The following TCAF1 variants were observed in gnomAD, a reference collection of about 807,000 sequenced individuals.
The protein encoded by TCAF1 is TRPM8 channel associated factor 1, also known as TRPM8 channel-associated factor 1.
TCAF1 carries 4 observed loss-of-function variants against 27.3 expected under a neutral mutation model. The ratio of observed to expected loss-of-function variants is 0.15; its 90% CI spans 0.07 to 0.34. TCAF1 has a LOEUF of 0.34. TCAF1 is among the 10% of genes least tolerant of loss of function. TCAF1 has a pLI of 1.00. For missense variants in TCAF1, 257 were observed against 425.8 expected, an observed-to-expected ratio of 0.60 and a Z score of 3.49; for synonymous variants, 105 against 167.1, an observed-to-expected ratio of 0.63 and a Z score of 2.87.
At chr7:143,887,058 C>A (rs1020353299) in intron 1 of TCAF1, among the ~76,000 whole-genome samples, 14 of 151,882 alleles carry the variant, frequency 9.2e-5, no homozygotes, top group Admixed American at 2.0e-4. Context: ...TCTCAGACAC[C>A]ACATTATAAG....
chr7:143,879,663 C>T (rs1017959584), intron 1 of TCAF1, among the ~76,000 whole-genome samples: 4 of 152,108 alleles, frequency 2.6e-5, no homozygotes, highest in Non-Finnish European at 4.4e-5. Context: ...AAATGAAAAC[C>T]TAGAAGTACA....
At chr7:143,895,344 GCTATATGCCA>G (rs1483912221) in intron 1 of TCAF1, among the ~76,000 whole-genome samples, 1 of 151,790 alleles carries the variant, frequency 6.6e-6, no homozygotes, top group Non-Finnish European at 1.5e-5. Context: ...AAAAAGTACT[GCTATATGCCA>G]CTATATGGAA....
intron 1 of TCAF1, among the ~76,000 whole-genome samples, chr7:143,887,118 T>C (rs1292334050): frequency 6.6e-6 from 1 of 152,190 alleles, no homozygotes; most frequent in African/African-American, 2.4e-5. Flanking sequence ...CCCTTGAGTT[T>C]GTTTTCCTTT....
intron 1 of TCAF1, among the ~76,000 whole-genome samples, chr7:143,883,439 T>C (rs988715800): frequency 2.0e-5 from 3 of 151,856 alleles, no homozygotes; most frequent in African/African-American, 7.3e-5. Context: ...GTTCAAACAA[T>C]AGTTAACCAA....
chr7:143,875,648 A>G (rs538367843), intron 2 of TCAF1, among the ~76,000 whole-genome samples: 2 of 152,092 alleles, frequency 1.3e-5, no homozygotes, highest in South Asian at 4.2e-4. Flanking sequence ...CCTTTTCTTC[A>G]CATTCCTGTT....
At position 143,881,466 on chromosome 7, in the gene TCAF1, G is replaced by A. The variant is rs78240047; in HGVS notation, c.-14-4844C>T. Among the ~76,000 whole-genome samples, 14 of 151,880 alleles carry A rather than the reference G, an allele frequency of 9.2e-5. No homozygotes were observed. In the East Asian group the frequency reaches 2.5e-3, roughly 27 times the overall value. On this transcript the variant is annotated intron_variant, in intron 1 of 8. Coordinates refer to ENST00000479870, the MANE Select transcript of TCAF1 (RefSeq NM_014719.3). The stretch of plus-strand genomic sequence containing the variant: ...TATCCAGTGTCTTTTCCAAGACATC[G>A]GGCTAGTTCAACCCCTTTTTTGAAT...
intron 1 of TCAF1, among the ~76,000 whole-genome samples, chr7:143,900,259 AGTTGG>A (rs1814056083): frequency 6.6e-6 from 1 of 152,076 alleles, no homozygotes. Flanking sequence ...CTTCAGTGTG[AGTTGG>A]GCCTAGGGAC....
At chr7:143,884,070 A>G (rs1388081780) in intron 1 of TCAF1, among the ~76,000 whole-genome samples, 3 of 152,220 alleles carry the variant, frequency 2.0e-5, no homozygotes, top group Non-Finnish European at 2.9e-5. Flanking sequence ...ACTAAGCCTT[A>G]TTATAAGGCT....
chr7:143,890,681 G>A (rs1271729096), intron 1 of TCAF1, among the ~76,000 whole-genome samples: 2 of 152,200 alleles, frequency 1.3e-5, no homozygotes, highest in African/African-American at 4.8e-5. Flanking sequence ...TCATTTTACA[G>A]TGCAGGGTTA....
chr7:143,901,734 G>C (rs1049113136), intron 1 of TCAF1, among the ~76,000 whole-genome samples: 2 of 152,192 alleles, frequency 1.3e-5, no homozygotes, highest in Non-Finnish European at 2.9e-5. Context: ...ACGAAAATAG[G>C]GGGGGTCATC....
intron 1 of TCAF1, chr7:143,885,206 T>C (rs1019477178): frequency 2.5e-5 from 25 of 985,562 alleles, no homozygotes; most frequent in Non-Finnish European, 3.0e-5. Flanking sequence ...TGGACGAGAC[T>C]CACCCTTTCG....
intron 1 of TCAF1, among the ~76,000 whole-genome samples, chr7:143,892,371 T>G (rs1188081559): frequency 6.6e-6 from 1 of 151,938 alleles, no homozygotes; most frequent in Admixed American, 6.6e-5. Flanking sequence ...CTGTAATATC[T>G]AAAGTAACCA....
At chr7:143,881,451 CT>C in intron 1 of TCAF1, among the ~76,000 whole-genome samples, 1 of 152,020 alleles carries the variant, frequency 6.6e-6, no homozygotes, top group Non-Finnish European at 1.5e-5. Context: ...TATCCAGTGT[CT>C]TTTCCAAGAC....
At chr7:143,897,150 ATATAT>A (rs1399793091) in intron 1 of TCAF1, among the ~76,000 whole-genome samples, 1 of 90,876 alleles carries the variant, frequency 1.1e-5, no homozygotes, top group African/African-American at 4.1e-5. Context: ...ATATATATAT[ATATAT>A]ATATATATAT....
At chr7:143,887,502 G>C (rs575053135) in intron 1 of TCAF1, among the ~76,000 whole-genome samples, 1 of 152,234 alleles carries the variant, frequency 6.6e-6, no homozygotes, top group South Asian at 2.1e-4. Context: ...AATGTTACAA[G>C]TATTATTTTG....
At chr7:143,881,720 C>T (rs2116808015) in intron 1 of TCAF1, among the ~76,000 whole-genome samples, 1 of 152,238 alleles carries the variant, frequency 6.6e-6, no homozygotes, top group East Asian at 1.9e-4. Flanking sequence ...TCTACCATCC[C>T]CATAGGAGTA....
chr7:143,896,763 T>C (rs1813886426), intron 1 of TCAF1, among the ~76,000 whole-genome samples: 1 of 151,872 alleles, frequency 6.6e-6, no homozygotes, highest in Non-Finnish European at 1.5e-5. Context: ...TCAAAAATAA[T>C]CATATCAAAA....
intron 1 of TCAF1, chr7:143,882,795 G>A: frequency 1.0e-6 from 1 of 985,792 alleles, no homozygotes; most frequent in Non-Finnish European, 1.2e-6. Context: ...GGCGCAGAGA[G>A]GAATGCACAG....
chr7:143,878,319 C>G (rs1812833065), intron 1 of TCAF1, among the ~76,000 whole-genome samples: 1 of 152,094 alleles, frequency 6.6e-6, no homozygotes, highest in Non-Finnish European at 1.5e-5. Context: ...TGTATTGATT[C>G]TGATTTAATA....
Sources: gnomAD v4.1 joint callset for allele counts (sites outside exome capture counted in the v4.1 genomes callset) on GRCh38, gnomAD v4.1.1 for gene constraint, MANE v1.5 for transcripts, NCBI Gene and HGNC (gene_info 2026-07-23, HGNC 2026-07-21) for gene names.